Variants in CCDC60 observed in about 807,000 individuals in gnomAD.
CCDC60 encodes coiled-coil domain-containing protein 60.
In CCDC60, 54 loss-of-function variants were observed where a neutral mutation model predicts 63.5. The observed-to-expected ratio is 0.85, with a 90% CI of 0.68 to 1.07. The LOEUF (loss-of-function observed/expected upper bound fraction) is 1.07, where lower values mean the gene tolerates loss of function less well. Among genes scored for constraint, CCDC60 ranks in the 50% least tolerant of loss-of-function variants. CCDC60 has a pLI of 0.00. For synonymous variants in CCDC60, 206 were observed against 238.8 expected (o/e 0.86, Z 1.27); for missense variants, 651 against 684.3 (o/e 0.95, Z 0.54).
chr12:119,529,279 T>G (rs1952772576), intron 12 of CCDC60, among the ~76,000 whole-genome samples: 1 of 152,208 alleles, frequency 6.6e-6, no homozygotes, highest in African/African-American at 2.4e-5. Flanking sequence ...TTGTCCATTT[T>G]ATCCCCCCCA....
chr12:119,391,067 GACTTTACTTTTTATAA>G (rs2136197578), intron 1 of CCDC60, among the ~76,000 whole-genome samples: 1 of 152,256 alleles, frequency 6.6e-6, no homozygotes, highest in South Asian at 2.1e-4. Context: ...AGTTCTGCAT[GACTTTACTTTTTATAA>G]AATGTGAGGG....
At chr12:119,348,659 T>A (rs1955622054) in intron 1 of CCDC60, among the ~76,000 whole-genome samples, 1 of 152,188 alleles carries the variant, frequency 6.6e-6, no homozygotes, top group Non-Finnish European at 1.5e-5. Flanking sequence ...AAATAATAGC[T>A]AAGGTTGATT....
intron 1 of CCDC60, chr12:119,402,309 T>C (rs1956406552): frequency 6.6e-6 from 1 of 152,248 alleles, no homozygotes; most frequent in African/African-American, 2.4e-5. Flanking sequence ...CTTTGACTTA[T>C]TGCACCTGCT....
chr12:119,457,783 A>G (rs1950775483), intron 2 of CCDC60, among the ~76,000 whole-genome samples: 1 of 152,218 alleles, frequency 6.6e-6, no homozygotes, highest in Admixed American at 6.5e-5. Context: ...TTGTGACTAC[A>G]GTTGACTGAA....
chr12:119,433,249 G>A (rs1007026729), intron 2 of CCDC60: 3 of 611,540 alleles, frequency 4.9e-6, no homozygotes, highest in Non-Finnish European at 8.7e-6. Flanking sequence ...TAGAATAGAG[G>A]GGATTAATTA....
At chr12:119,467,340 T>G (rs1044356499) in intron 2 of CCDC60, among the ~76,000 whole-genome samples, 1 of 152,248 alleles carries the variant, frequency 6.6e-6, no homozygotes. Flanking sequence ...CTGTTACAGA[T>G]TGAATGTTTG....
At chr12:119,514,238 G>A (rs568534116) in intron 7 of CCDC60, among the ~76,000 whole-genome samples, 3 of 151,464 alleles carry the variant, frequency 2.0e-5, no homozygotes, top group South Asian at 2.1e-4. Context: ...GTGCAGTGGC[G>A]CAGTCTCGGT....
Position 119,407,691 on chromosome 12 carries a change from C to G in CCDC60, c.91-20992C>G, listed in dbSNP as rs558834550. On this transcript the variant is annotated intron_variant, in intron 1 of 13. Coordinates refer to ENST00000327554, the MANE Select transcript of CCDC60 (RefSeq NM_178499.5). ...TTAATGATCACCACTGGGTTCATTTCCTGACCCTGTAGTTATATGCAGTCA... is the reference window on the plus strand; with the variant it reads ...TTAATGATCACCACTGGGTTCATTTGCTGACCCTGTAGTTATATGCAGTCA... Among the ~76,000 whole-genome samples, 7 of 152,324 alleles carry G rather than the reference C, an allele frequency of 4.6e-5. No individual in the cohort carries two copies. The South Asian group carries it at 8.3e-4, about 18-fold the overall frequency.
At chr12:119,532,915 T>C (rs1055780197) in intron 13 of CCDC60, among the ~76,000 whole-genome samples, 1 of 152,192 alleles carries the variant, frequency 6.6e-6, no homozygotes, top group African/African-American at 2.4e-5. Flanking sequence ...AGATTTATAA[T>C]CCTTTGGGTA....
intron 1 of CCDC60, among the ~76,000 whole-genome samples, chr12:119,406,304 C>G (rs1956490926): frequency 6.6e-6 from 1 of 151,918 alleles, no homozygotes; most frequent in Admixed American, 6.6e-5. Flanking sequence ...TCATCAGCTC[C>G]CCTTGCGTCT....
At chr12:119,418,577 G>A (rs1347434172) in intron 1 of CCDC60, among the ~76,000 whole-genome samples, 1 of 151,650 alleles carries the variant, frequency 6.6e-6, no homozygotes, top group East Asian at 1.9e-4. Flanking sequence ...ACCACGCCCA[G>A]CTAATTTTTG....
At chr12:119,455,775 G>A (rs1461858876) in intron 2 of CCDC60, among the ~76,000 whole-genome samples, 1 of 124,958 alleles carries the variant, frequency 8.0e-6, no homozygotes, top group East Asian at 2.6e-4. Flanking sequence ...GAAAGAAAGA[G>A]TGAAAGAAAG....
rs534197183 is a variant in CCDC60, at chr12:119,465,633, C to T, written c.171-6361C>T. On this transcript the variant is annotated intron_variant, in intron 2 of 13. Transcript: ENST00000327554. ...ACTAGCCAGGCGTGATGGTGGGCAC[C>T]TGTAATCCCAGCTACTCAGGAGGCT... 2.6e-5 allele frequency among the ~76,000 whole-genome samples: 4 copies of T among 152,120 alleles called. No homozygotes were observed. In the South Asian group the frequency reaches 8.3e-4, roughly 32 times the overall value.
At chr12:119,349,767 T>C (rs1955636240) in intron 1 of CCDC60, among the ~76,000 whole-genome samples, 1 of 152,202 alleles carries the variant, frequency 6.6e-6, no homozygotes, top group Admixed American at 6.5e-5. Context: ...ATCCCGTCTT[T>C]TGTAATGTCA....
chr12:119,524,340 C>A, intron 11 of CCDC60: 1 of 489,774 alleles, frequency 2.0e-6, no homozygotes, highest in Non-Finnish European at 2.7e-6. Flanking sequence ...CAGAAAGCCA[C>A]TGAAAGTTTT....
chr12:119,414,928 C>A (rs867035094), intron 1 of CCDC60, among the ~76,000 whole-genome samples: 1 of 152,220 alleles, frequency 6.6e-6, no homozygotes, highest in Non-Finnish European at 1.5e-5. Flanking sequence ...CCTTGAACAA[C>A]TTCATCTATT....
intron 1 of CCDC60, among the ~76,000 whole-genome samples, chr12:119,424,609 G>C (rs1451625559): frequency 1.3e-5 from 2 of 152,018 alleles, no homozygotes; most frequent in Non-Finnish European, 2.9e-5. Context: ...AGTGATTTTT[G>C]AATGTTTTAT....
At chr12:119,505,348 C>A in intron 7 of CCDC60, 45 bp downstream of exon 7, 1 of 1,389,064 alleles carries the variant, frequency 7.2e-7, no homozygotes, top group South Asian at 1.2e-5. Flanking sequence ...GACCCTTTGC[C>A]TTTAAGCCAG....
chr12:119,497,750 GA>G (rs5801342), intron 5 of CCDC60, among the ~76,000 whole-genome samples: 88,182 of 147,116 alleles, frequency 0.6, 26,468 homozygotes, highest in East Asian at 0.85. Context: ...GCTCCAAAGT[GA>G]AAAAAAAAAA....
Sources: allele counts gnomAD v4.1 joint callset (sites outside exome capture counted in the v4.1 genomes callset), GRCh38; gene constraint gnomAD v4.1.1; transcripts MANE v1.5; gene names NCBI Gene and HGNC (gene_info 2026-07-23, HGNC 2026-07-21).